Variants in HCN1 observed in about 807,000 individuals in gnomAD.
The protein encoded by HCN1 is potassium/sodium hyperpolarization-activated cyclic nucleotide-gated channel 1.
Under a neutral mutation model 78.9 loss-of-function variants are expected in HCN1, and 13 were observed. That is an observed-to-expected ratio of 0.16 (90% CI 0.11 to 0.26). The LOEUF (loss-of-function observed/expected upper bound fraction) is 0.26, where lower values mean the gene tolerates loss of function less well. HCN1 is among the 10% of genes least tolerant of loss of function. The probability of loss-of-function intolerance (pLI) is 1.00; values close to 1 mark genes in which losing one functional copy is unlikely to be tolerated. For synonymous variants in HCN1, 552 were observed against 455.5 expected (o/e 1.21, Z -2.70); for missense variants, 810 against 1,154.3 (o/e 0.70, Z 4.32).
Position 45,691,380 on chromosome 5 carries a change from A to G in HCN1, c.425+4289T>C, listed in dbSNP as rs966863180. On this transcript the variant is annotated intron_variant, in intron 1 of 7. Transcript: ENST00000303230. ...ATATTTTAATAGTATAAATCATAAT[A>G]TCTACTAAATGCAACAGTGAAACAT... is the stretch of plus-strand genomic sequence containing the variant. Among the ~76,000 whole-genome samples, 5 of 152,110 alleles carry G rather than the reference A, an allele frequency of 3.3e-5. No homozygotes were observed. In the East Asian group the frequency reaches 7.7e-4, roughly 23 times the overall value.
intron 3 of HCN1, among the ~76,000 whole-genome samples, chr5:45,417,938 C>G (rs987104346): frequency 6.6e-6 from 1 of 151,548 alleles, no homozygotes; most frequent in Non-Finnish European, 1.5e-5. Context: ...CGTGTTAATT[C>G]TAAATATACT....
chr5:45,427,284 A>G (rs78957352), intron 3 of HCN1, among the ~76,000 whole-genome samples: 2,053 of 152,150 alleles, frequency 0.013, 45 homozygotes, highest in African/African-American at 0.046. Flanking sequence ...AAAGCAAAAC[A>G]GAAAAAAAAA....
At chr5:45,579,980 C>T (rs954862422) in intron 2 of HCN1, among the ~76,000 whole-genome samples, 7 of 152,018 alleles carry the variant, frequency 4.6e-5, no homozygotes, top group African/African-American at 9.7e-5. Context: ...ATGCAATATC[C>T]TTCCACCACA....
At chr5:45,690,280 C>A (rs1323848363) in intron 1 of HCN1, among the ~76,000 whole-genome samples, 1 of 151,890 alleles carries the variant, frequency 6.6e-6, no homozygotes, top group Non-Finnish European at 1.5e-5. Context: ...AATGTTGCTT[C>A]CTTGCTTTAA....
At chr5:45,532,919 G>A (rs766845402) in intron 2 of HCN1, among the ~76,000 whole-genome samples, 1 of 152,174 alleles carries the variant, frequency 6.6e-6, no homozygotes, top group Non-Finnish European at 1.5e-5. Flanking sequence ...ACATTCCAAG[G>A]AATAGGTTCT....
intron 6 of HCN1, among the ~76,000 whole-genome samples, chr5:45,295,191 G>A (rs1430809561): frequency 6.6e-6 from 1 of 151,902 alleles, no homozygotes; most frequent in Non-Finnish European, 1.5e-5. Flanking sequence ...CTCTCAATGG[G>A]AAGCCTAGAA....
At chr5:45,592,576 A>G (rs1194997417) in intron 2 of HCN1, among the ~76,000 whole-genome samples, 2 of 152,136 alleles carry the variant, frequency 1.3e-5, no homozygotes, top group African/African-American at 4.8e-5. Flanking sequence ...AATGAAAAAT[A>G]TTAGGTTTGC....
chr5:45,651,197 A>T (rs770078731), intron 1 of HCN1, among the ~76,000 whole-genome samples: 7 of 151,974 alleles, frequency 4.6e-5, no homozygotes, highest in Non-Finnish European at 8.8e-5. Context: ...CCCTCAACTC[A>T]CACTTAAGAT....
intron 1 of HCN1, 58 bp downstream of exon 1, chr5:45,695,611 G>A (rs955657236): frequency 3.2e-6 from 5 of 1,558,134 alleles, no homozygotes; most frequent in African/African-American, 1.4e-5. Flanking sequence ...CAAGGGCGGG[G>A]AAGCGCGTTT....
intron 3 of HCN1, among the ~76,000 whole-genome samples, chr5:45,410,968 TCA>T (rs778958537): frequency 6.6e-6 from 1 of 152,100 alleles, no homozygotes; most frequent in East Asian, 1.9e-4. Context: ...ACAGACAACT[TCA>T]CAGAGAATTC....
chr5:45,664,604 A>C (rs948177309), intron 1 of HCN1, among the ~76,000 whole-genome samples: 1 of 152,008 alleles, frequency 6.6e-6, no homozygotes, highest in African/African-American at 2.4e-5. Flanking sequence ...ATTTATGAGA[A>C]AAAAACAAAC....
intron 3 of HCN1, among the ~76,000 whole-genome samples, chr5:45,436,459 A>T (rs1331658207): frequency 6.6e-6 from 1 of 152,314 alleles, no homozygotes; most frequent in East Asian, 1.9e-4. Context: ...GAATTTTAAT[A>T]TAGGTCACTG....
intron 2 of HCN1, among the ~76,000 whole-genome samples, chr5:45,608,430 C>A (rs1744768156): frequency 1.2e-5 from 1 of 80,364 alleles, no homozygotes; most frequent in Non-Finnish European, 2.8e-5. Flanking sequence ...AGAACTACTT[C>A]TTTATATGGT....
At chr5:45,604,063 A>T (rs899308671) in intron 2 of HCN1, among the ~76,000 whole-genome samples, 4 of 152,076 alleles carry the variant, frequency 2.6e-5, no homozygotes, top group African/African-American at 7.2e-5. Context: ...TGTTTCACAA[A>T]ATTATTCAAA....
chr5:45,521,331 T>C (rs1025928129), intron 2 of HCN1, among the ~76,000 whole-genome samples: 1 of 151,920 alleles, frequency 6.6e-6, no homozygotes, highest in Non-Finnish European at 1.5e-5. Context: ...CCAAGGGCTA[T>C]GGTACCACAG....
At chr5:45,650,149 T>G (rs1463606235) in intron 1 of HCN1, among the ~76,000 whole-genome samples, 1 of 152,128 alleles carries the variant, frequency 6.6e-6, no homozygotes, top group East Asian at 1.9e-4. Context: ...CTAGCTCCAC[T>G]AACTGGATGA....
At chr5:45,351,080 C>T (rs528179940) in intron 5 of HCN1, among the ~76,000 whole-genome samples, 1 of 152,126 alleles carries the variant, frequency 6.6e-6, no homozygotes, top group Admixed American at 6.5e-5. Context: ...CAATCCTAAG[C>T]CAAAAGAACA....
At chr5:45,595,925 TG>T (rs1744484847) in intron 2 of HCN1, among the ~76,000 whole-genome samples, 1 of 151,964 alleles carries the variant, frequency 6.6e-6, no homozygotes, top group Non-Finnish European at 1.5e-5. Flanking sequence ...AGTCTCGCTC[TG>T]TCACCCAGGC....
At chr5:45,508,248 A>C (rs137972021) in intron 2 of HCN1, among the ~76,000 whole-genome samples, 2 of 152,304 alleles carry the variant, frequency 1.3e-5, no homozygotes, top group East Asian at 3.9e-4. Context: ...GTACGATTAC[A>C]GAAAATTCCC....
Sources: gnomAD v4.1 joint callset for allele counts (sites outside exome capture counted in the v4.1 genomes callset) on GRCh38, gnomAD v4.1.1 for gene constraint, MANE v1.5 for transcripts, NCBI Gene and HGNC (gene_info 2026-07-23, HGNC 2026-07-21) for gene names.